The following ETS1 variants were observed in gnomAD, a reference collection of about 807,000 sequenced individuals.
ETS1 encodes ETS proto-oncogene 1, transcription factor.
A neutral mutation model predicts 58.6 loss-of-function variants in ETS1; 15 were observed. The ratio of observed to expected loss-of-function variants is 0.26; its 90% CI spans 0.17 to 0.39. The LOEUF is 0.39. ETS1 is among the 10% of genes least tolerant of loss of function. The pLI is 1.00. For synonymous variants in ETS1, 214 were observed against 218.2 expected (o/e 0.98, Z 0.17); for missense variants, 417 against 610.5 (o/e 0.68, Z 3.34).
intron 3 of ETS1, among the ~76,000 whole-genome samples, chr11:128,524,805 G>A (rs980535060): frequency 6.6e-6 from 1 of 152,202 alleles, no homozygotes; most frequent in Admixed American, 6.5e-5. Context: ...CAATGATTAA[G>A]TGAGTTTGAT....
In ETS1 at chr11:128,562,130, C is replaced by T. The variant is rs192570125; in HGVS notation, c.70-5695G>A. 9.2e-5 allele frequency among the ~76,000 whole-genome samples: 14 copies of T among 152,312 alleles called. No individual in the cohort carries two copies. The East Asian group carries it at 1.4e-3, about 15-fold the overall frequency. On this transcript the variant is annotated intron_variant, in intron 2 of 9. Coordinates refer to ENST00000392668, the MANE Select transcript of ETS1 (RefSeq NM_001143820.2). ...AGAAAAGGGTGGTCTTGGCCGGACGCGGTGGCTCACGCCTATAATCCCAGC... is the reference window on the plus strand; with the variant it reads ...AGAAAAGGGTGGTCTTGGCCGGACGTGGTGGCTCACGCCTATAATCCCAGC...
intron 1 of ETS1, among the ~76,000 whole-genome samples, chr11:128,583,277 G>T (rs1565419945): frequency 6.6e-6 from 1 of 152,210 alleles, no homozygotes; most frequent in Non-Finnish European, 1.5e-5. Context: ...AGCAGATGCT[G>T]GTAACCTCAG....
intron 1 of ETS1, among the ~76,000 whole-genome samples, chr11:128,579,222 C>G (rs1445498369): frequency 1.3e-5 from 2 of 152,156 alleles, no homozygotes; most frequent in African/African-American, 4.8e-5. Flanking sequence ...CCCCACCACC[C>G]CTCACCCCAG....
At chr11:128,564,478 A>AC (rs1373799557) in intron 2 of ETS1, among the ~76,000 whole-genome samples, 4 of 151,616 alleles carry the variant, frequency 2.6e-5, no homozygotes, top group South Asian at 4.2e-4. Flanking sequence ...TTCCCTAGGG[A>AC]CCCCCTGGGG....
intron 8 of ETS1, among the ~76,000 whole-genome samples, chr11:128,477,888 A>G (rs979209249): frequency 1.3e-5 from 2 of 152,170 alleles, no homozygotes; most frequent in Admixed American, 6.5e-5. Context: ...TAATTAGTTG[A>G]TTTAATTCAA....
At chr11:128,571,531 A>C (rs1467411513) in intron 2 of ETS1, among the ~76,000 whole-genome samples, 1 of 127,590 alleles carries the variant, frequency 7.8e-6, no homozygotes, top group African/African-American at 2.9e-5. Context: ...AAAAAAAAAA[A>C]AAAAAAAAAA....
intron 3 of ETS1, among the ~76,000 whole-genome samples, chr11:128,519,720 A>C (rs1863614002): frequency 6.6e-6 from 1 of 152,220 alleles, no homozygotes; most frequent in African/African-American, 2.4e-5. Context: ...AGCAATATAC[A>C]TTGCGAAGTT....
chr11:128,486,153 T>C lies in ETS1; in HGVS notation c.536-7A>G, dbSNP rs774250741. The C allele has an allele frequency of 2.5e-6, 4 of 1,584,666 alleles. No individual in the cohort carries two copies. In the South Asian group the frequency reaches 4.4e-5, roughly 18 times the overall value. On this transcript the variant is annotated splice_region_variant and splice_polypyrimidine_tract_variant and intron_variant, in intron 5 of 9. Coordinates refer to ENST00000392668, the MANE Select transcript of ETS1 (RefSeq NM_001143820.2). ...TGATATGGTTTCACATCCTCTGTAA[T>C]GAACAGATAGGGAAGGAACAAAGAG...
chr11:128,581,206 G>C (rs957785811), intron 1 of ETS1, among the ~76,000 whole-genome samples: 1 of 152,112 alleles, frequency 6.6e-6, no homozygotes, highest in Admixed American at 6.5e-5. Flanking sequence ...CTTCTCCTAG[G>C]CATCAAGGAA....
rs1309710566 is a variant in ETS1, at chr11:128,484,841, T to C, written c.844A>G (p.Met282Val). ...QEVVTPDNMC[M>V]GRTSRGKLGG... ...GACCTACCACGACTGGTCCTCCCCA[T>C]GCACATGTTGTCTGGGGTGACGACT... Residue 282 changes from methionine to valine, a missense_variant, in exon 7 of 10, where the codon ATG (methionine) becomes GTG (valine). Transcript: ENST00000392668. 2 of 1,613,856 alleles carry C rather than the reference T, an allele frequency of 1.2e-6. No individual in the cohort carries two copies. Among genetic ancestry groups the C allele is most frequent in the Middle Eastern group, 1.6e-4 (1 of 6,062 alleles).
At chr11:128,497,691 A>T (rs1862979296) in intron 3 of ETS1, 1 of 472,186 alleles carries the variant, frequency 2.1e-6, no homozygotes, top group Non-Finnish European at 2.8e-6. Flanking sequence ...GACAAAAGGG[A>T]TTGCAGGCAT....
At chr11:128,536,281 A>G (rs1863971587) in intron 3 of ETS1, 1 of 152,254 alleles carries the variant, frequency 6.6e-6, no homozygotes, top group Admixed American at 6.5e-5. Flanking sequence ...TAATTTGTCA[A>G]GGACAGACCA....
intron 1 of ETS1, among the ~76,000 whole-genome samples, chr11:128,575,171 T>C (rs935602238): frequency 6.6e-6 from 1 of 152,246 alleles, no homozygotes; most frequent in African/African-American, 2.4e-5. Flanking sequence ...ATACATACTA[T>C]GTGTTTTCCT....
At chr11:128,541,237 C>T (rs1014386614) in intron 3 of ETS1, among the ~76,000 whole-genome samples, 1 of 152,184 alleles carries the variant, frequency 6.6e-6, no homozygotes, top group African/African-American at 2.4e-5. Flanking sequence ...CTGAACCACA[C>T]TTCATAGCCC....
intron 3 of ETS1, among the ~76,000 whole-genome samples, chr11:128,510,229 AC>A: frequency 6.6e-6 from 1 of 152,312 alleles, no homozygotes; most frequent in South Asian, 2.1e-4. Context: ...TCCTTGAATC[AC>A]CAAAGACTCC....
chr11:128,523,771 A>C (rs1863747435), intron 3 of ETS1, among the ~76,000 whole-genome samples: 1 of 152,248 alleles, frequency 6.6e-6, no homozygotes, highest in African/African-American at 2.4e-5. Flanking sequence ...GAAAGAACAA[A>C]GACTGTTGCA....
chr11:128,529,305 T>C (rs1252713959), intron 3 of ETS1, among the ~76,000 whole-genome samples: 1 of 152,190 alleles, frequency 6.6e-6, no homozygotes, highest in Non-Finnish European at 1.5e-5. Flanking sequence ...CAGGTGATTC[T>C]ATATTGAGGA....
intron 3 of ETS1, among the ~76,000 whole-genome samples, chr11:128,503,939 C>G (rs1250218579): frequency 6.6e-6 from 1 of 152,186 alleles, no homozygotes; most frequent in Non-Finnish European, 1.5e-5. Context: ...GCTAAACACA[C>G]CAAAAACCGA....
In ETS1 at chr11:128,585,069, A is replaced by G. The variant is rs1565421321; in HGVS notation, c.-15+2419T>C. 3.8e-3 allele frequency among the ~76,000 whole-genome samples: 103 copies of G among 27,370 alleles called. 20 individuals are homozygous for G. The highest frequency in any genetic ancestry group is 5.2e-3 in the South Asian group (8 of 1,532). 18.0% of individuals were successfully genotyped at this position (27,370 alleles called of 152,430 possible). A position where few individuals can be genotyped will look rare whatever the true frequency, so the allele number is the denominator to read the frequency against. Reference sequence around the variant, plus strand: ...GAAAGAAAGAAAGAAAGAAAGAAAGAAAGAAAGAGAAAGAAAGAAAGGAAA... The same window carrying G: ...GAAAGAAAGAAAGAAAGAAAGAAAGGAAGAAAGAGAAAGAAAGAAAGGAAA... On this transcript the variant is annotated intron_variant, in intron 1 of 9. Coordinates refer to ENST00000392668, the MANE Select transcript of ETS1 (RefSeq NM_001143820.2).
Sources: gnomAD v4.1 joint callset for allele counts (sites outside exome capture counted in the v4.1 genomes callset) on GRCh38, gnomAD v4.1.1 for gene constraint, MANE v1.5 for transcripts, NCBI Gene and HGNC (gene_info 2026-07-23, HGNC 2026-07-21) for gene names.